Variants in WDR7 observed in about 807,000 individuals in gnomAD.
WDR7 encodes WD repeat-containing protein 7.
A neutral mutation model predicts 169.4 loss-of-function variants in WDR7; 46 were observed. The ratio of observed to expected loss-of-function variants is 0.27; its 90% CI spans 0.21 to 0.35. The LOEUF (loss-of-function observed/expected upper bound fraction) is 0.35, where lower values mean the gene tolerates loss of function less well. Among genes scored for constraint, WDR7 ranks in the 10% least tolerant of loss-of-function variants. The probability of loss-of-function intolerance (pLI) is 1.00; values close to 1 mark genes in which losing one functional copy is unlikely to be tolerated. For synonymous variants in WDR7, 612 were observed against 666.8 expected, an observed-to-expected ratio of 0.92 and a Z score of 1.27; for missense variants, 1,534 against 1,859.3, an observed-to-expected ratio of 0.83 and a Z score of 3.22.
chr18:56,843,322 C>T (rs1229574951), intron 20 of WDR7, among the ~76,000 whole-genome samples: 19 of 152,166 alleles, frequency 1.2e-4, no homozygotes, highest in Non-Finnish European at 4.4e-5. Context: ...TTCTCCGAAA[C>T]TTTTTCATCT....
intron 26 of WDR7, among the ~76,000 whole-genome samples, chr18:56,971,996 A>G (rs1034320360): frequency 6.6e-6 from 1 of 152,226 alleles, no homozygotes; most frequent in Non-Finnish European, 1.5e-5. Flanking sequence ...TAGTATTAGC[A>G]AAATATTAAA....
intron 20 of WDR7, among the ~76,000 whole-genome samples, chr18:56,871,829 T>C (rs1036695184): frequency 1.3e-5 from 2 of 152,092 alleles, no homozygotes; most frequent in African/African-American, 4.8e-5. Context: ...TAGTTTATGT[T>C]TTCAATATGG....
chr18:56,769,531 A>G (rs1408332479), intron 16 of WDR7, among the ~76,000 whole-genome samples: 2 of 151,972 alleles, frequency 1.3e-5, no homozygotes, highest in South Asian at 2.1e-4. Flanking sequence ...ATTTCTCTCT[A>G]TTCATTAATC....
At chr18:56,965,800 A>C (rs1452110560) in intron 26 of WDR7, among the ~76,000 whole-genome samples, 1 of 152,150 alleles carries the variant, frequency 6.6e-6, no homozygotes, top group Non-Finnish European at 1.5e-5. Context: ...AAAGTGATTT[A>C]AAACATTATA....
At chr18:57,000,917 T>A (rs2047967126) in intron 26 of WDR7, among the ~76,000 whole-genome samples, 1 of 152,018 alleles carries the variant, frequency 6.6e-6, no homozygotes, top group South Asian at 2.1e-4. Flanking sequence ...CAATAAGAGA[T>A]GTAAATGTAG....
At chr18:56,727,542 G>T (rs1213373811) in intron 13 of WDR7, among the ~76,000 whole-genome samples, 2 of 152,142 alleles carry the variant, frequency 1.3e-5, no homozygotes, top group African/African-American at 2.4e-5. Flanking sequence ...AGTGCTGAGC[G>T]AAGGGGAAAG....
rs1422397787 is a variant in WDR7 at position 57,018,025 on chromosome 18, C to G, written c.4165-2720C>G. Among the ~76,000 whole-genome samples the G allele has an allele frequency of 2.0e-5, 3 of 152,176 alleles. No homozygotes were observed. In the East Asian group the frequency reaches 5.8e-4, roughly 29 times the overall value. ...TTTTACAAAAAGCTAACTTGCTAGC[C>G]TCAAAGAAAGGGTTGTGAATGTGTC... On this transcript the variant is annotated intron_variant, in intron 26 of 27. Coordinates refer to ENST00000254442, the MANE Select transcript of WDR7 (RefSeq NM_015285.3).
intron 26 of WDR7, among the ~76,000 whole-genome samples, chr18:57,017,268 A>G (rs1018080648): frequency 4.6e-5 from 7 of 152,244 alleles, no homozygotes; most frequent in African/African-American, 1.7e-4. Flanking sequence ...AAGCCATTTA[A>G]AACAGCGAAC....
At chr18:56,820,339 C>CA (rs386387798) in intron 20 of WDR7, among the ~76,000 whole-genome samples, 606 of 42,432 alleles carry the variant, frequency 0.014, 103 homozygotes, top group African/African-American at 0.042. Context: ...CTGACATTGT[C>CA]AAAAAAAAAA....
chr18:56,876,952 GCAGGAAGATCACTTGTGGC>G, intron 20 of WDR7, among the ~76,000 whole-genome samples: 1 of 152,264 alleles, frequency 6.6e-6, no homozygotes, highest in East Asian at 1.9e-4. Flanking sequence ...GGAGGCGAAG[GCAGGAAGATCACTTGTGGC>G]CAGGAGTACA....
rs2025965580 is a variant in WDR7 at position 56,706,755 on chromosome 18, T to G, written c.1578+10293T>G. ...CAGGCTGGAGTGCAGTGGTGCCATC[T>G]TGGCTCACTGCAACCTCTGCCTCCC... On this transcript the variant is annotated intron_variant, in intron 12 of 27. Transcript: ENST00000254442. Among the ~76,000 whole-genome samples, 3 of 151,852 alleles carry G rather than the reference T, an allele frequency of 2.0e-5. No homozygotes were observed. In the South Asian group the frequency reaches 6.2e-4, roughly 32 times the overall value.
chr18:56,739,158 G>A (rs1013851188), intron 14 of WDR7, among the ~76,000 whole-genome samples: 6 of 151,796 alleles, frequency 4.0e-5, no homozygotes, highest in Non-Finnish European at 7.4e-5. Context: ...CCATCTTAAC[G>A]TTTGAGTTCC....
rs984779842 is a variant in WDR7 at position 56,651,583 on chromosome 18, G to A, written c.-20+7G>A. 1 of 152,528 alleles carries A rather than the reference G, an allele frequency of 6.6e-6. No individual in the cohort carries two copies. The highest frequency in any genetic ancestry group is 1.5e-5 in the Non-Finnish European group (1 of 68,306). The allele number at this position is 152,528 out of a possible 1,614,324, so 9.4% of individuals were successfully genotyped here. ...TGAGATGAAGCTGTGACAGGTAAGG[G>A]GGCTTTCAAGCTTCTCCATGGGAAA... On this transcript the variant is annotated splice_region_variant and intron_variant, in intron 1 of 27. Transcript: ENST00000254442.
intron 26 of WDR7, chr18:57,010,462 G>A (rs1301356010): frequency 3.4e-6 from 1 of 293,128 alleles, no homozygotes; most frequent in Non-Finnish European, 5.1e-6. Context: ...AAAACGTTAT[G>A]TTTTCATTTA....
intron 21 of WDR7, among the ~76,000 whole-genome samples, chr18:56,912,818 A>G (rs1337168456): frequency 1.3e-5 from 2 of 152,060 alleles, no homozygotes; most frequent in African/African-American, 4.8e-5. Context: ...TTAATTCTGT[A>G]GGTATCACAT....
At chr18:56,741,925 C>T (rs2043627127) in intron 14 of WDR7, among the ~76,000 whole-genome samples, 1 of 152,094 alleles carries the variant, frequency 6.6e-6, no homozygotes, top group South Asian at 2.1e-4. Flanking sequence ...TACAACAGAA[C>T]AACTCTTCCT....
intron 20 of WDR7, among the ~76,000 whole-genome samples, chr18:56,845,128 G>C (rs1194580370): frequency 6.6e-6 from 1 of 151,982 alleles, no homozygotes; most frequent in Non-Finnish European, 1.5e-5. Flanking sequence ...CTCTTGTATA[G>C]ATACAATGAT....
chr18:56,729,564 G>C (rs76147110), intron 13 of WDR7, among the ~76,000 whole-genome samples: 5,591 of 152,002 alleles, frequency 0.037, 302 homozygotes, highest in African/African-American at 0.12. Context: ...AGCAGAGCAT[G>C]CTTTTAAACA....
chr18:56,923,413 A>T (rs192418625), intron 21 of WDR7, among the ~76,000 whole-genome samples: 1 of 152,356 alleles, frequency 6.6e-6, no homozygotes, highest in African/African-American at 2.4e-5. Context: ...ATACACCAGA[A>T]TATAGAGGAA....
Sources: gnomAD v4.1 joint callset for allele counts (sites outside exome capture counted in the v4.1 genomes callset) on GRCh38, gnomAD v4.1.1 for gene constraint, MANE v1.5 for transcripts, NCBI Gene and HGNC (gene_info 2026-07-23, HGNC 2026-07-21) for gene names.